Variants in STK32B observed in about 807,000 individuals in gnomAD.
STK32B encodes serine/threonine kinase 32B.
In STK32B, 43 loss-of-function variants were observed where a neutral mutation model predicts 52.6. The ratio of observed to expected loss-of-function variants is 0.82; its 90% CI spans 0.64 to 1.05. STK32B has a LOEUF of 1.05. Among genes scored for constraint, STK32B ranks in the 50% least tolerant of loss-of-function variants. The pLI is 0.00. For missense variants in STK32B, 621 were observed against 534.6 expected, an observed-to-expected ratio of 1.16 and a Z score of -1.59; for synonymous variants, 238 against 204.3, an observed-to-expected ratio of 1.17 and a Z score of -1.41.
At chr4:5,379,951 TG>T (rs34940862) in intron 4 of STK32B, among the ~76,000 whole-genome samples, 4 of 152,192 alleles carry the variant, frequency 2.6e-5, no homozygotes. Context: ...ACTGCCAAGC[TG>T]GGAACAGTTC....
At position 5,460,214 on chromosome 4, in the gene STK32B, G is replaced by A. The variant is rs759834980; in HGVS notation, c.895G>A (p.Gly299Ser). 14 of 1,612,438 alleles carry A rather than the reference G, an allele frequency of 8.7e-6. No homozygotes were observed. Among genetic ancestry groups the A allele is most frequent in the Middle Eastern group, 1.7e-4 (1 of 5,834 alleles). Reference sequence around the variant, plus strand: ...GGTGTTCAAGAAGGCACTGATGCCCGGCTTTGTGCCCAATGTGAGTGGAAG... The same window carrying A: ...GGTGTTCAAGAAGGCACTGATGCCCAGCTTTGTGCCCAATGTGAGTGGAAG... ...DAVFKKALMP[G>S]FVPNKGRLNC... Residue 299 changes from glycine to serine, a missense_variant, in exon 9 of 12, where the codon GGC becomes AGC. Transcript: ENST00000282908. The surrounding 1 kb of genome is among the most constrained non-coding windows in gnomAD (Gnocchi z 4.8).
In STK32B at chr4:5,499,290, T is replaced by G; in HGVS notation, c.*207T>G. 1.8e-6 allele frequency: 1 copy of G among 552,092 alleles called. No homozygotes were observed. Among genetic ancestry groups the G allele is most frequent in the Non-Finnish European group, 2.8e-6 (1 of 355,908 alleles). 34.2% of individuals were successfully genotyped at this position (552,092 alleles called of 1,614,324 possible). ...CCTCAGACAAGTCACGCCCTCTCTG[T>G]GCCTCCGTTTTCTGCATCTGCCAAA... On this transcript the variant is annotated 3_prime_UTR_variant, in exon 12 of 12. Transcript: ENST00000282908.
At position 5,300,796 on chromosome 4, in the gene STK32B, A is replaced by G. The variant is rs147008006; in HGVS notation, c.261-30424A>G. Among the ~76,000 whole-genome samples the G allele has an allele frequency of 4.6e-4, 70 of 152,284 alleles. 1 individual carries two copies. In the East Asian group the frequency reaches 0.012, roughly 26 times the overall value. On this transcript the variant is annotated intron_variant, in intron 3 of 11. Coordinates refer to ENST00000282908, the MANE Select transcript of STK32B (RefSeq NM_018401.3). ...GCTGAAAGAAATCATAGATGACATA[A>G]ACAAATGGAAAAACATTACATGCTC...
chr4:5,317,224 T>TATATATAACATATAACATATAACA lies in STK32B; in HGVS notation c.261-13996_261-13995insATATATAACATATAACATATAACA, dbSNP rs1491141469. The stretch of plus-strand genomic sequence containing the variant: ...ATATTATATATATAACATATATATA[T>TATATATAACATATAACATATAACA]TATATATAACATATATATATTATAT... On this transcript the variant is annotated intron_variant, in intron 3 of 11. Transcript: ENST00000282908. Among the ~76,000 whole-genome samples, 3 of 38,676 alleles carry TATATATAACATATAACATATAACA rather than the reference T, an allele frequency of 7.8e-5. 1 individual carries two copies. The African/African-American group carries it at 1.0e-3, about 13-fold the overall frequency. 25.4% of individuals were successfully genotyped at this position (38,676 alleles called of 152,430 possible).
intron 3 of STK32B, among the ~76,000 whole-genome samples, chr4:5,185,037 C>CCT (rs1720641382): frequency 6.6e-6 from 1 of 152,230 alleles, no homozygotes; most frequent in African/African-American, 2.4e-5. Context: ...CTCTCCTTCT[C>CCT]CTCCAGCGTC....
intron 5 of STK32B, among the ~76,000 whole-genome samples, chr4:5,404,893 G>A (rs1381943967): frequency 7.7e-6 from 1 of 130,476 alleles, no homozygotes; most frequent in Non-Finnish European, 1.5e-5. Flanking sequence ...TTGAGATGGA[G>A]TCTCGTTCTG....
chr4:5,313,493 T>C (rs1730452477), intron 3 of STK32B, among the ~76,000 whole-genome samples: 1 of 152,114 alleles, frequency 6.6e-6, no homozygotes, highest in African/African-American at 2.4e-5. Context: ...AGTAAACTGC[T>C]GGAAGTTCTA....
At chr4:5,497,898 A>AACAT (rs1560099276) in intron 11 of STK32B, among the ~76,000 whole-genome samples, 1 of 152,190 alleles carries the variant, frequency 6.6e-6, no homozygotes, top group African/African-American at 2.4e-5. Flanking sequence ...GTTGGAAAGA[A>AACAT]ACATACTAGT....
At chr4:5,072,254 C>G (rs775049008) in intron 1 of STK32B, among the ~76,000 whole-genome samples, 6 of 152,044 alleles carry the variant, frequency 3.9e-5, no homozygotes, top group African/African-American at 4.8e-5. Flanking sequence ...CCTGCAGACT[C>G]AAAATTTTAA....
chr4:5,105,170 A>G (rs1714033856), intron 1 of STK32B, among the ~76,000 whole-genome samples: 1 of 152,100 alleles, frequency 6.6e-6, no homozygotes, highest in Non-Finnish European at 1.5e-5. Flanking sequence ...TACATTTTCT[A>G]TCATTAATGA....
At chr4:5,289,801 C>G (rs968121122) in intron 3 of STK32B, among the ~76,000 whole-genome samples, 2 of 150,562 alleles carry the variant, frequency 1.3e-5, no homozygotes, top group Admixed American at 6.6e-5. Context: ...CCTCGGCCCC[C>G]CAAAGTGCTG....
intron 1 of STK32B, among the ~76,000 whole-genome samples, chr4:5,092,693 T>TG: frequency 6.6e-6 from 1 of 152,116 alleles, no homozygotes; most frequent in Admixed American, 6.5e-5. Context: ...AAGGGATGGT[T>TG]GGGGTGCTAC....
At chr4:5,365,134 C>A (rs1210749936) in intron 4 of STK32B, among the ~76,000 whole-genome samples, 1 of 152,170 alleles carries the variant, frequency 6.6e-6, no homozygotes, top group Non-Finnish European at 1.5e-5. Context: ...CCTCGGCCCC[C>A]CCAAAGTGCT....
chr4:5,060,374 A>G (rs573988075), intron 1 of STK32B, among the ~76,000 whole-genome samples: 7 of 152,082 alleles, frequency 4.6e-5, no homozygotes, highest in Admixed American at 1.3e-4. Flanking sequence ...TCCTTTTTCA[A>G]TTCTGATTTT....
At chr4:5,188,280 A>G (rs561432582) in intron 3 of STK32B, among the ~76,000 whole-genome samples, 2 of 152,184 alleles carry the variant, frequency 1.3e-5, no homozygotes, top group African/African-American at 2.4e-5. Context: ...CTCACATCCC[A>G]AAGAGCCGCA....
chr4:5,319,434 CAA>C (rs1322536054), intron 3 of STK32B, among the ~76,000 whole-genome samples: 1 of 152,198 alleles, frequency 6.6e-6, no homozygotes, highest in East Asian at 1.9e-4. Context: ...TCAAATCTGA[CAA>C]GGACTTTCTC....
In STK32B at chr4:5,091,151, A is replaced by T. The variant is rs147091277; in HGVS notation, c.52+39236A>T. On this transcript the variant is annotated intron_variant, in intron 1 of 11. Transcript: ENST00000282908. ...AGTATTACCCTGATATCAATGCCAG[A>T]TTTCACCTTGGGCAAGTGCTTCTTA... 2.0e-4 allele frequency among the ~76,000 whole-genome samples: 30 copies of T among 152,298 alleles called. No individual in the cohort carries two copies. In the East Asian group the frequency reaches 3.5e-3, roughly 18 times the overall value.
At chr4:5,491,514 C>T (rs1390741883) in intron 11 of STK32B, among the ~76,000 whole-genome samples, 1 of 151,766 alleles carries the variant, frequency 6.6e-6, no homozygotes, top group African/African-American at 2.4e-5. Context: ...AAAATTTTCT[C>T]CCATTTTGTA....
intron 4 of STK32B, among the ~76,000 whole-genome samples, chr4:5,361,924 G>T (rs1734573004): frequency 6.6e-6 from 1 of 152,166 alleles, no homozygotes; most frequent in East Asian, 1.9e-4. Flanking sequence ...AATCAGCATT[G>T]CAGTTTGGAA....
Sources: allele counts gnomAD v4.1 joint callset (sites outside exome capture counted in the v4.1 genomes callset), GRCh38; gene constraint gnomAD v4.1.1; non-coding constraint Gnocchi (gnomAD v3.1); transcripts MANE v1.5; gene names NCBI Gene and HGNC (gene_info 2026-07-23, HGNC 2026-07-21).